The following PDE4D variants were observed in gnomAD, a reference collection of about 807,000 sequenced individuals.
The protein encoded by PDE4D is phosphodiesterase 4D, also known as 3',5'-cyclic-AMP phosphodiesterase 4D.
A neutral mutation model predicts 87.4 loss-of-function variants in PDE4D; 24 were observed. That is an observed-to-expected ratio of 0.27 (90% confidence interval 0.20 to 0.39). The LOEUF (loss-of-function observed/expected upper bound fraction) is 0.39. Ranked by LOEUF, PDE4D falls within the 10% of genes least tolerant of loss-of-function variation. The probability of loss-of-function intolerance (pLI) is 1.00; values close to 1 mark genes in which losing one functional copy is unlikely to be tolerated. For synonymous variants in PDE4D, 384 were observed against 383.2 expected (o/e 1.00, Z -0.02); for missense variants, 714 against 1,041.0 (o/e 0.69, Z 4.32).
intron 2 of PDE4D, among the ~76,000 whole-genome samples, chr5:60,162,487 GT>G (rs1405891330): frequency 2.6e-5 from 4 of 152,184 alleles, no homozygotes; most frequent in Admixed American, 2.0e-4. Context: ...TTGTTTGGAG[GT>G]TTTGTGTATT....
chr5:59,310,284 G>T (rs1772316084), intron 1 of PDE4D, among the ~76,000 whole-genome samples: 1 of 151,994 alleles, frequency 6.6e-6, no homozygotes, highest in African/African-American at 2.4e-5. Flanking sequence ...TTATATGCTG[G>T]CCACACTGTC....
chr5:59,783,212 A>T (rs1764800284), intron 1 of PDE4D, among the ~76,000 whole-genome samples: 1 of 152,156 alleles, frequency 6.6e-6, no homozygotes, highest in African/African-American at 2.4e-5. Context: ...TATTAGAATC[A>T]CCCGGAGAAT....
rs531710756 is a variant in PDE4D, at chr5:60,031,339, C to G, written c.43-42622G>C. Reference sequence around the variant, plus strand: ...AGATTTTAAGGGAAATTAAACATGACAAAGGCTATTTGCTTTCCTTTACTT... The same window carrying G: ...AGATTTTAAGGGAAATTAAACATGAGAAAGGCTATTTGCTTTCCTTTACTT... On this transcript the variant is annotated intron_variant, in intron 2 of 16. Transcript: ENST00000502484. 3.6e-4 allele frequency among the ~76,000 whole-genome samples: 55 copies of G among 152,274 alleles called. 2 individuals are homozygous for G. The South Asian group carries it at 0.011, about 30-fold the overall frequency.
intron 3 of PDE4D, among the ~76,000 whole-genome samples, chr5:59,966,335 C>T (rs11960746): frequency 0.85 from 129,843 of 152,134 alleles, 55,463 homozygotes; most frequent in East Asian, 0.97. Flanking sequence ...AGACAAACTC[C>T]AGGAGGGAGG....
chr5:59,925,848 G>C (rs558466368), intron 3 of PDE4D, among the ~76,000 whole-genome samples: 2 of 152,200 alleles, frequency 1.3e-5, no homozygotes, highest in East Asian at 1.9e-4. Flanking sequence ...CTCAACACTA[G>C]AGCATCCACA....
intron 1 of PDE4D, among the ~76,000 whole-genome samples, chr5:59,800,796 T>C (rs1212466192): frequency 1.3e-5 from 2 of 152,196 alleles, no homozygotes; most frequent in Non-Finnish European, 2.9e-5. Flanking sequence ...TAAGACTCAC[T>C]TTCTAAAAAT....
intron 1 of PDE4D, among the ~76,000 whole-genome samples, chr5:59,460,649 G>A (rs945206444): frequency 3.9e-5 from 6 of 152,152 alleles, no homozygotes; most frequent in Admixed American, 2.6e-4. Flanking sequence ...AAGAAGACGG[G>A]TGACTGCCTT....
chr5:59,974,180 C>G (rs1761069197), intron 3 of PDE4D, among the ~76,000 whole-genome samples: 1 of 152,052 alleles, frequency 6.6e-6, no homozygotes, highest in Non-Finnish European at 1.5e-5. Flanking sequence ...CTAAAATTGG[C>G]AGCATGACGA....
chr5:59,288,831 T>A (rs1020595704), intron 1 of PDE4D, among the ~76,000 whole-genome samples: 6 of 152,142 alleles, frequency 3.9e-5, no homozygotes, highest in Non-Finnish European at 8.8e-5. Context: ...TATCTCAGGC[T>A]AGTATATCCT....
intron 1 of PDE4D, among the ~76,000 whole-genome samples, chr5:59,362,314 AC>A (rs1455076645): frequency 6.6e-6 from 1 of 152,210 alleles, no homozygotes; most frequent in Admixed American, 6.5e-5. Flanking sequence ...AAATAGGCAT[AC>A]CACTTTATCA....
intron 1 of PDE4D, among the ~76,000 whole-genome samples, chr5:59,572,418 T>A (rs1822002800): frequency 6.6e-6 from 1 of 152,208 alleles, no homozygotes; most frequent in Non-Finnish European, 1.5e-5. Context: ...TCTTTAATAG[T>A]ATTTAATCAG....
intron 5 of PDE4D, among the ~76,000 whole-genome samples, chr5:59,175,222 G>A (rs756187828): frequency 1.3e-5 from 2 of 152,092 alleles, no homozygotes; most frequent in African/African-American, 4.8e-5. Context: ...CATTAAGGAC[G>A]TATGTAGGTG....
intron 1 of PDE4D, among the ~76,000 whole-genome samples, chr5:59,891,577 G>T (rs1750961394): frequency 6.6e-6 from 1 of 152,146 alleles, no homozygotes; most frequent in South Asian, 2.1e-4. Context: ...ATGGAAGTCT[G>T]CAGTCTTTGA....
At chr5:59,904,275 G>A (rs1014617099) in intron 3 of PDE4D, among the ~76,000 whole-genome samples, 6 of 151,636 alleles carry the variant, frequency 4.0e-5, no homozygotes, top group Admixed American at 1.3e-4. Flanking sequence ...CTTTCTCCCC[G>A]ACTCCTCTGA....
At chr5:59,657,165 A>G (rs764470687) in intron 1 of PDE4D, among the ~76,000 whole-genome samples, 97 of 152,238 alleles carry the variant, frequency 6.4e-4, no homozygotes, top group Admixed American at 3.9e-4. Context: ...TTTGAAAAAC[A>G]AAATAAAGAC....
At chr5:59,737,419 T>A (rs995087980) in intron 1 of PDE4D, among the ~76,000 whole-genome samples, 5 of 152,100 alleles carry the variant, frequency 3.3e-5, no homozygotes, top group African/African-American at 1.2e-4. Flanking sequence ...AAATCAGCCA[T>A]GAAATTTGAA....
chr5:59,527,893 C>T (rs1382369189), intron 1 of PDE4D, among the ~76,000 whole-genome samples: 2 of 152,136 alleles, frequency 1.3e-5, no homozygotes. Context: ...TCATCTGAAC[C>T]ATTGTGCTAA....
At chr5:60,213,761 T>C (rs1743526663) in intron 1 of PDE4D, among the ~76,000 whole-genome samples, 2 of 152,172 alleles carry the variant, frequency 1.3e-5, no homozygotes, top group African/African-American at 4.8e-5. Context: ...GCCTCTGTCA[T>C]TGGCACCTGT....
rs145550404 is a variant in PDE4D, at chr5:58,986,619, G to A, written c.1552+1874C>T. Among the ~76,000 whole-genome samples, 1,133 of 152,280 alleles carry A rather than the reference G, an allele frequency of 7.4e-3. 14 individuals carry two copies. Among genetic ancestry groups the A allele is most frequent in the African/African-American group, 0.026 (1,081 of 41,534 alleles). On this transcript the variant is annotated intron_variant, in intron 11 of 14. Transcript: ENST00000340635. ...GGGATCTAGGTTGTGCGTTCCTTAT[G>A]AGAATCTAACTAATGCCTGATGATC...
Sources: allele counts gnomAD v4.1 joint callset (sites outside exome capture counted in the v4.1 genomes callset), GRCh38; gene constraint gnomAD v4.1.1; transcripts MANE v1.5; gene names NCBI Gene and HGNC (gene_info 2026-07-23, HGNC 2026-07-21).